MTO1: variants seen among roughly 807,000 people sequenced by gnomAD.
MTO1 encodes 5-taurinomethyluridine-[tRNA] synthase subunit MTO1, mitochondrial.
MTO1 carries 46 observed loss-of-function variants against 71.6 expected under a neutral mutation model. The ratio of observed to expected loss-of-function variants is 0.64; its 90% CI spans 0.51 to 0.82. The LOEUF (loss-of-function observed/expected upper bound fraction) is 0.82, where lower values mean the gene tolerates loss of function less well. Among genes scored for constraint, MTO1 ranks in the 40% least tolerant of loss-of-function variants. MTO1 has a pLI of 0.00. For missense variants in MTO1, 773 were observed against 867.5 expected (o/e 0.89, Z 1.37); for synonymous variants, 297 against 312.1 (o/e 0.95, Z 0.51).
intron 4 of MTO1, among the ~76,000 whole-genome samples, chr6:73,475,601 A>C (rs1316502141): frequency 7.0e-6 from 1 of 143,722 alleles, no homozygotes; most frequent in South Asian, 2.2e-4. Flanking sequence ...TGCAACATCC[A>C]CCTCACGGGT....
chr6:73,490,557 A>G (rs1189657600), intron 9 of MTO1, among the ~76,000 whole-genome samples: 2 of 152,124 alleles, frequency 1.3e-5, no homozygotes, highest in African/African-American at 2.4e-5. Flanking sequence ...TGGTCTATGT[A>G]TCTGTCTTTG....
chr6:73,466,883 A>G (rs1771015365), intron 3 of MTO1, among the ~76,000 whole-genome samples: 2 of 151,982 alleles, frequency 1.3e-5, no homozygotes, highest in African/African-American at 4.8e-5. Flanking sequence ...CCATCTTTCT[A>G]TTGTAATTTC....
intron 9 of MTO1, among the ~76,000 whole-genome samples, chr6:73,490,915 G>A (rs921322265): frequency 1.3e-5 from 2 of 152,126 alleles, no homozygotes; most frequent in African/African-American, 2.4e-5. Flanking sequence ...AGTATAAAAG[G>A]GATTAAAGTG....
rs181246036 is a variant in MTO1 at position 73,501,099 on chromosome 6, G to A, written c.*364G>A. 31 of 158,508 alleles carry A rather than the reference G, an allele frequency of 2.0e-4. No homozygotes were observed. The highest frequency in any genetic ancestry group is 4.5e-4 in the Admixed American group (7 of 15,496). 9.8% of individuals were successfully genotyped at this position (158,508 alleles called of 1,614,324 possible). ...CAAATTAAAAGTCTTATCATTCAGC[G>A]TGTTTTGAGAGTTAATAATCTTTTG... On this transcript the variant is annotated 3_prime_UTR_variant, in exon 12 of 12. Transcript: ENST00000498286.
Position 73,497,896 on chromosome 6 carries a change from G to T in MTO1, c.1917G>T (p.Thr639=). The T allele has an allele frequency of 6.2e-7, 1 of 1,603,422 alleles. No homozygotes were observed. The highest frequency in any genetic ancestry group is 1.1e-5 in the South Asian group (1 of 90,114). The change falls in exon 11 of 12, where the codon ACG becomes ACT. Residue 639 remains threonine (T), a splice_region_variant and synonymous_variant. Transcript: ENST00000498286. ...AACTACATTTTAGTCGTCCACAGAC[G>T]GTAAGAAAATAGGCAGGAGAATAGA... ...REKLHFSRPQ[T]IGAASRIPGV...
rs558030572 is a variant in MTO1, at chr6:73,503,706, T to C, written c.*2971T>C. On this transcript the variant is annotated 3_prime_UTR_variant, in exon 12 of 12. Coordinates refer to ENST00000498286, the MANE Select transcript of MTO1 (RefSeq NM_012123.4). ...AAAGCCAGGTATTTTTTCAATTCAA[T>C]TCAACAGGAACACCAAAAAATAAGA... 6.6e-6 allele frequency: 1 copy of C among 152,264 alleles called. No homozygotes were observed. Among genetic ancestry groups the C allele is most frequent in the African/African-American group, 2.4e-5 (1 of 41,564 alleles). The allele number at this position is 152,264 out of a possible 1,614,324, so 9.4% of individuals were successfully genotyped here.
In MTO1 at chr6:73,469,089, G is replaced by A. The variant is rs1771075443; in HGVS notation, c.535+2483G>A. Among the ~76,000 whole-genome samples, 5 of 151,932 alleles carry A rather than the reference G, an allele frequency of 3.3e-5. No individual in the cohort carries two copies. The South Asian group carries it at 8.3e-4, about 25-fold the overall frequency. ...AGTGGCACTATAATCGCTCACTGTAGCCTCCACCTCCCAGAGGTGATCCTT... is the reference window on the plus strand; with the variant it reads ...AGTGGCACTATAATCGCTCACTGTAACCTCCACCTCCCAGAGGTGATCCTT... On this transcript the variant is annotated intron_variant, in intron 3 of 11. Transcript: ENST00000498286.
At position 73,479,765 on chromosome 6, in the gene MTO1, AC is replaced by A; in HGVS notation, c.861del (p.Asn288ThrfsTer64). On this transcript the variant is annotated frameshift_variant, in exon 5 of 12. Transcript: ENST00000498286. LOFTEE classifies it high-confidence loss of function. ...EDQLPCYLTH[T>X]NPRVDEIVLK... is the part of the protein sequence containing the mutation. ...TCAGCTGCCATGTTACTTGACTCACACCAACCCTAGAGTGGATGAGATTGTC... is the reference window on the plus strand; with the variant it reads ...TCAGCTGCCATGTTACTTGACTCACACAACCCTAGAGTGGATGAGATTGTC... The A allele has an allele frequency of 6.2e-7, 1 of 1,613,824 alleles. No homozygotes were observed. The highest frequency in any genetic ancestry group is 8.5e-7 in the Non-Finnish European group (1 of 1,179,946).
chr6:73,482,419 C>G (rs1423551315), intron 8 of MTO1, 30 bp from the exon 9 acceptor site: 1 of 1,596,562 alleles, frequency 6.3e-7, no homozygotes. Flanking sequence ...AACCACACTT[C>G]TCATTATATT....
At chr6:73,497,994 T>G (rs1278174998) in intron 11 of MTO1, 98 bp downstream of exon 11, 14 of 1,079,142 alleles carry the variant, frequency 1.3e-5, no homozygotes, top group Non-Finnish European at 1.8e-5. Flanking sequence ...TAACTAATGT[T>G]TTATTTAGTA....
Position 73,482,248 on chromosome 6 carries a change from A to C in MTO1, c.1465+4A>C. 6.2e-7 allele frequency: 1 copy of C among 1,613,754 alleles called. No homozygotes were observed. The highest frequency in any genetic ancestry group is 8.5e-7 in the Non-Finnish European group (1 of 1,179,914). On this transcript the variant is annotated splice_donor_region_variant and intron_variant, in intron 8 of 11. Transcript: ENST00000498286. ...GACAGCCGGCTCACACTGCGAGGTA[A>C]CTCTTTCCTGAGTCCTGCAATCCAG...
Position 73,466,483 on chromosome 6 carries a change from T to C in MTO1, c.418-6T>C, listed in dbSNP as rs752852300. ...CCATGTTTCAACTGGCATTTTCTTT[T>C]GACAGAAAGAAATCTTGAATACACC... On this transcript the variant is annotated splice_polypyrimidine_tract_variant and splice_region_variant and intron_variant, in intron 2 of 11. Transcript: ENST00000498286. 27 of 1,613,322 alleles carry C rather than the reference T, an allele frequency of 1.7e-5. No homozygotes were observed. In the African/African-American group the frequency reaches 2.0e-4, roughly 12 times the overall value.
rs188854571 is a variant in MTO1 at position 73,477,633 on chromosome 6, A to G, written c.826-2099A>G. Among the ~76,000 whole-genome samples, 3 of 151,302 alleles carry G rather than the reference A, an allele frequency of 2.0e-5. No homozygotes were observed. In the East Asian group the frequency reaches 6.1e-4, roughly 31 times the overall value. ...ATGATCCTTTTACCTCAGCCTCCCAAGTAGCTGCGACCACAGGTGCTCACC... is the reference window on the plus strand; with the variant it reads ...ATGATCCTTTTACCTCAGCCTCCCAGGTAGCTGCGACCACAGGTGCTCACC... On this transcript the variant is annotated intron_variant, in intron 4 of 11. Transcript: ENST00000498286.
At position 73,494,190 on chromosome 6, in the gene MTO1, G is replaced by A. The variant is rs550017907; in HGVS notation, c.1756+1838G>A. 4.6e-5 allele frequency among the ~76,000 whole-genome samples: 7 copies of A among 151,978 alleles called. 1 individual carries two copies. In the East Asian group the frequency reaches 5.8e-4, roughly 13 times the overall value. ...ACGGAGGTTGCAGTGAGCCGAGATC[G>A]CACCATTGCACTCCAGCCTGAGCGA... On this transcript the variant is annotated intron_variant, in intron 10 of 11. Transcript: ENST00000498286.
At position 73,473,446 on chromosome 6, in the gene MTO1, A is replaced by C; in HGVS notation, c.617A>C (p.Glu206Ala). The change falls in exon 4 of 12, where the codon GAG becomes GCG. Residue 206 changes from glutamate (E) to alanine (A), a missense_variant. By Grantham distance (107) the Glu-to-Ala change is moderately radical. Transcript: ENST00000498286. ...FLRGMIVIGLETHPAGRLGDQ... is the reference protein window; with the variant it reads ...FLRGMIVIGLATHPAGRLGDQ... ...AGAGGCATGATTGTAATTGGATTGG[A>C]GACGCATCCAGCAGGACGTTTAGGG... 6.2e-7 allele frequency: 1 copy of C among 1,614,128 alleles called. No homozygotes were observed. The highest frequency in any genetic ancestry group is 1.7e-5 in the Admixed American group (1 of 59,994).
In MTO1 at chr6:73,480,647, T is replaced by C. The variant is rs377325620; in HGVS notation, c.1130-28T>C. 4.6e-5 allele frequency: 74 copies of C among 1,612,478 alleles called. No homozygotes were observed. In the African/African-American group the frequency reaches 9.5e-4, roughly 21 times the overall value. ...TGAGCAAATCCAGCTCTGTATTTAC[T>C]TATTTAATGTCTTTGTTCTTTGGTC... On this transcript the variant is annotated intron_variant, in intron 6 of 11. Coordinates refer to ENST00000498286, the MANE Select transcript of MTO1 (RefSeq NM_012123.4).
At chr6:73,471,852 C>G (rs1254922131) in intron 3 of MTO1, 1 of 158,142 alleles carries the variant, frequency 6.3e-6, no homozygotes, top group African/African-American at 2.4e-5. Context: ...GTGTACAATT[C>G]AGTGCTATTA....
Position 73,503,373 on chromosome 6 carries a change from A to C in MTO1, c.*2638A>C, listed in dbSNP as rs920719180. ...AATGATCCTCTTGCCTTGGCCTCCC[A>C]AAGTGCTCAGATTACAGGCATGAGC... is the stretch of plus-strand genomic sequence containing the variant. On this transcript the variant is annotated 3_prime_UTR_variant, in exon 12 of 12. Coordinates refer to ENST00000498286, the MANE Select transcript of MTO1 (RefSeq NM_012123.4). The C allele has an allele frequency of 6.6e-6, 1 of 152,272 alleles. No individual in the cohort carries two copies. The highest frequency in any genetic ancestry group is 2.4e-5 in the African/African-American group (1 of 41,466). The allele number at this position is 152,272 out of a possible 1,614,324, so 9.4% of individuals were successfully genotyped here. A position where few individuals can be genotyped will look rare whatever the true frequency, so the allele number is the denominator to read the frequency against.
rs1435253127 is a variant in MTO1, at chr6:73,482,434, T to C, written c.1466-15T>C. The C allele has an allele frequency of 6.2e-7, 1 of 1,601,340 alleles. No individual in the cohort carries two copies. The highest frequency in any genetic ancestry group is 8.5e-7 in the Non-Finnish European group (1 of 1,175,816). ...AACCACACTTCTCATTATATTCTCT[T>C]TCTCCCTTCCCTAGGGTATAAAGAC... On this transcript the variant is annotated splice_polypyrimidine_tract_variant and intron_variant, in intron 8 of 11. Coordinates refer to ENST00000498286, the MANE Select transcript of MTO1 (RefSeq NM_012123.4).
Sources: gnomAD v4.1 joint callset for allele counts (sites outside exome capture counted in the v4.1 genomes callset) on GRCh38, gnomAD v4.1.1 for gene constraint, MANE v1.5 for transcripts, NCBI Gene and HGNC (gene_info 2026-07-23, HGNC 2026-07-21) for gene names.